CNTN6: variants seen among roughly 807,000 people sequenced by gnomAD.
CNTN6 encodes the protein contactin 6, also known as contactin-6.
CNTN6 carries 137 observed loss-of-function variants against 122.8 expected under a neutral mutation model. The ratio of observed to expected loss-of-function variants is 1.12; its 90% CI spans 0.97 to 1.29. CNTN6 has a LOEUF of 1.29. CNTN6 is among the 50% of genes most tolerant of loss of function. The pLI is 0.00. For synonymous variants in CNTN6, 570 were observed against 426.0 expected (o/e 1.34, Z -4.16); for missense variants, 1,634 against 1,223.4 (o/e 1.34, Z -5.01).
intron 7 of CNTN6, among the ~76,000 whole-genome samples, chr3:1,300,577 GAA>G (rs1165106466): frequency 2.7e-4 from 9 of 33,238 alleles, no homozygotes; most frequent in African/African-American, 6.1e-4. Context: ...AAGAAAGAAA[GAA>G]AGAAAGAAAG....
intron 4 of CNTN6, among the ~76,000 whole-genome samples, chr3:1,258,856 T>G (rs931912463): frequency 4.6e-5 from 7 of 152,088 alleles, no homozygotes; most frequent in African/African-American, 1.7e-4. Flanking sequence ...CATGCCTGAT[T>G]GAGATATTAA....
chr3:1,248,679 G>T (rs1427537766), intron 4 of CNTN6, among the ~76,000 whole-genome samples: 1 of 151,960 alleles, frequency 6.6e-6, no homozygotes, highest in African/African-American at 2.4e-5. Context: ...AATTAGCCAG[G>T]TGTGGTGGTG....
chr3:1,233,957 A>G (rs1450914723), intron 4 of CNTN6, among the ~76,000 whole-genome samples: 1 of 152,102 alleles, frequency 6.6e-6, no homozygotes, highest in South Asian at 2.1e-4. Flanking sequence ...AAAATGCAGT[A>G]AGAATGCATT....
chr3:1,280,638 T>A (rs1041932735), intron 5 of CNTN6, among the ~76,000 whole-genome samples: 1 of 151,838 alleles, frequency 6.6e-6, no homozygotes, highest in Non-Finnish European at 1.5e-5. Context: ...CTAATTTCTG[T>A]ATTTTTAGTA....
intron 20 of CNTN6, among the ~76,000 whole-genome samples, chr3:1,388,529 G>C (rs1223745613): frequency 1.3e-5 from 2 of 151,410 alleles, no homozygotes; most frequent in South Asian, 2.1e-4. Context: ...AGGGAACGCA[G>C]TTCCTCACCA....
At position 1,385,807 on chromosome 3, in the gene CNTN6, C is replaced by T. The variant is rs1692809434; in HGVS notation, c.2704+10C>T. The T allele has an allele frequency of 6.3e-7, 1 of 1,598,004 alleles. No homozygotes were observed. On this transcript the variant is annotated intron_variant, in intron 20 of 22. Transcript: ENST00000446702. Reference sequence around the variant, plus strand: ...ACCACCAAAAAGTCTCGTAAGTATGCATACACTCCAGGAAACAAGATTCAT... The same window carrying T: ...ACCACCAAAAAGTCTCGTAAGTATGTATACACTCCAGGAAACAAGATTCAT...
rs181351334 is a variant in CNTN6, at chr3:1,278,497, C to G, written c.443C>G (p.Pro148Arg). 5.0e-4 allele frequency: 811 copies of G among 1,611,528 alleles called. No individual in the cohort carries two copies. Among genetic ancestry groups the G allele is most frequent in the Admixed American group, 1.4e-3 (86 of 59,794 alleles). Residue 148 changes from proline (P) to arginine (R), a missense_variant, in exon 5 of 23, where the codon CCA (proline) becomes CGA (arginine). Transcript: ENST00000446702. ...QGVVLLCGPP[P>R]HFGDLSYAWT... The stretch of plus-strand genomic sequence containing the variant: ...GTGGTGCTTCTCTGTGGCCCACCGC[C>G]ACATTTTGGAGGTATGATGGGGTGA...
intron 5 of CNTN6, among the ~76,000 whole-genome samples, chr3:1,290,371 G>A (rs1419512718): frequency 6.6e-6 from 1 of 152,198 alleles, no homozygotes; most frequent in Non-Finnish European, 1.5e-5. Flanking sequence ...AGGAACATTT[G>A]TCTTAGAATG....
rs150203442 is a variant in CNTN6, at chr3:1,107,942, C to T, written c.-83+14822C>T. On this transcript the variant is annotated intron_variant, in intron 1 of 22. Coordinates refer to ENST00000446702, the MANE Select transcript of CNTN6 (RefSeq NM_001289080.2). ...ACTGGGACTCCCCAAAAGTTACCTC[C>T]ATCTGAAAGGTTTAGATTTGGAATC... Among the ~76,000 whole-genome samples, 765 of 152,156 alleles carry T rather than the reference C, an allele frequency of 5.0e-3. 11 individuals are homozygous for T. The highest frequency in any genetic ancestry group is 0.018 in the African/African-American group (729 of 41,536).
At chr3:1,208,147 C>T (rs955711684) in intron 2 of CNTN6, among the ~76,000 whole-genome samples, 2 of 152,066 alleles carry the variant, frequency 1.3e-5, no homozygotes, top group Admixed American at 6.6e-5. Flanking sequence ...TCCTTCCTCC[C>T]GTGAGTCATG....
chr3:1,338,187 A>G (rs1703357187), intron 11 of CNTN6, among the ~76,000 whole-genome samples: 1 of 152,144 alleles, frequency 6.6e-6, no homozygotes, highest in Non-Finnish European at 1.5e-5. Context: ...AAGTTTCACA[A>G]AATAAATAGC....
chr3:1,280,922 G>C (rs970858896), intron 5 of CNTN6, among the ~76,000 whole-genome samples: 1 of 152,144 alleles, frequency 6.6e-6, no homozygotes, highest in African/African-American at 2.4e-5. Context: ...CTTGCCATGA[G>C]CATTTGTCCA....
intron 4 of CNTN6, among the ~76,000 whole-genome samples, chr3:1,268,484 G>A (rs564640351): frequency 2.6e-5 from 4 of 151,448 alleles, no homozygotes; most frequent in South Asian, 2.1e-4. Flanking sequence ...GCAGGTGCCT[G>A]TAGTCCCAGC....
At chr3:1,396,121 T>C (rs893185794) in intron 20 of CNTN6, among the ~76,000 whole-genome samples, 15 of 152,180 alleles carry the variant, frequency 9.9e-5, no homozygotes, top group African/African-American at 2.4e-4. Flanking sequence ...CCAGAGAATG[T>C]AGACTAAGAA....
Position 1,403,764 on chromosome 3 carries a change from C to T in CNTN6, c.*346C>T, listed in dbSNP as rs1560059212. The T allele has an allele frequency of 6.2e-6, 1 of 160,152 alleles. No individual in the cohort carries two copies. The highest frequency in any genetic ancestry group is 2.0e-4 in the South Asian group (1 of 5,012). The allele number at this position is 160,152 out of a possible 1,614,324, so 9.9% of individuals were successfully genotyped here. ...CTTGGCTCCTAGTTACCATAACTCA[C>T]ATGTACATTTTTATGTATTCCAGAC... On this transcript the variant is annotated 3_prime_UTR_variant, in exon 23 of 23. Coordinates refer to ENST00000446702, the MANE Select transcript of CNTN6 (RefSeq NM_001289080.2).
chr3:1,136,821 C>G (rs2092486818), intron 1 of CNTN6, among the ~76,000 whole-genome samples: 1 of 152,086 alleles, frequency 6.6e-6, no homozygotes, highest in Non-Finnish European at 1.5e-5. Context: ...AGGGATTTTT[C>G]TGCCACTTAT....
At chr3:1,297,396 G>C (rs1202533561) in intron 6 of CNTN6, among the ~76,000 whole-genome samples, 1 of 152,008 alleles carries the variant, frequency 6.6e-6, no homozygotes, top group Non-Finnish European at 1.5e-5. Flanking sequence ...ATCTTATCTT[G>C]GCACATATCC....
chr3:1,137,207 A>G (rs2092498803), intron 1 of CNTN6, among the ~76,000 whole-genome samples: 2 of 152,202 alleles, frequency 1.3e-5, no homozygotes, highest in African/African-American at 4.8e-5. Flanking sequence ...AGTGAAGGGA[A>G]CTAGGTGTGA....
intron 1 of CNTN6, among the ~76,000 whole-genome samples, chr3:1,104,528 T>C (rs2091122503): frequency 6.6e-6 from 1 of 152,112 alleles, no homozygotes; most frequent in South Asian, 2.1e-4. Flanking sequence ...TTGTTCAAAA[T>C]TTGCAAACTA....
Sources: gnomAD v4.1 joint callset for allele counts (sites outside exome capture counted in the v4.1 genomes callset) on GRCh38, gnomAD v4.1.1 for gene constraint, MANE v1.5 for transcripts, NCBI Gene and HGNC (gene_info 2026-07-23, HGNC 2026-07-21) for gene names.